MYO3B: variants seen among roughly 807,000 people sequenced by gnomAD.
The protein encoded by MYO3B is myosin IIIB.
A neutral mutation model predicts 174.6 loss-of-function variants in MYO3B; 156 were observed. The ratio of observed to expected loss-of-function variants is 0.89; its 90% CI spans 0.78 to 1.02. MYO3B has a LOEUF of 1.02. MYO3B is among the 50% of genes least tolerant of loss of function. MYO3B has a pLI of 0.00. For missense variants in MYO3B, 1,632 were observed against 1,639.4 expected (o/e 1.00, Z 0.08); for synonymous variants, 563 against 569.1 (o/e 0.99, Z 0.15).
rs772906247 is a variant in MYO3B at position 170,392,513 on chromosome 2, GA to G, written c.1791+19del. ...CGGACAAAGTAAGTGATGATCAAGA[GA>G]GGAACTCAAGTGACAATATTCTTAT... On this transcript the variant is annotated intron_variant, in intron 16 of 34. Transcript: ENST00000408978. 1.2e-5 allele frequency: 18 copies of G among 1,455,570 alleles called. No individual in the cohort carries two copies. Among genetic ancestry groups the G allele is most frequent in the Non-Finnish European group, 1.1e-5 (12 of 1,069,850 alleles). 90.2% of individuals were successfully genotyped at this position (1,455,570 alleles called of 1,614,324 possible). A position where few individuals can be genotyped will look rare whatever the true frequency, so the allele number is the denominator to read the frequency against.
At chr2:170,618,841 A>G (rs958376201) in intron 32 of MYO3B, among the ~76,000 whole-genome samples, 1 of 152,226 alleles carries the variant, frequency 6.6e-6, no homozygotes, top group African/African-American at 2.4e-5. Flanking sequence ...TGTATGTAGA[A>G]GTACAGTACA....
chr2:170,501,844 T>C lies in MYO3B; in HGVS notation c.3349T>C (p.Ser1117Pro). The C allele has an allele frequency of 6.2e-7, 1 of 1,611,430 alleles. No individual in the cohort carries two copies. The highest frequency in any genetic ancestry group is 1.1e-5 in the South Asian group (1 of 90,976). ...FKKISNRRNE[S>P]AAHNQAGDTS... ...GAAAATAAGCAACAGAAGGAATGAG[T>C]CTGCTGCTCATAATCAAGCAGGTAA... Residue 1117 changes from serine to proline, a missense_variant, in exon 28 of 35, where the codon TCT (serine) becomes CCT (proline). Ser to Pro is a moderately conservative substitution (Grantham distance 74, BLOSUM62 -1). Transcript: ENST00000408978.
intron 25 of MYO3B, among the ~76,000 whole-genome samples, chr2:170,482,416 G>C (rs916125399): frequency 2.6e-5 from 4 of 152,142 alleles, no homozygotes; most frequent in Non-Finnish European, 5.9e-5. Flanking sequence ...TGGCCTCCCA[G>C]AGTGCTGGGA....
chr2:170,344,471 G>GT (rs1251560309), intron 8 of MYO3B: 14 of 135,412 alleles, frequency 1.0e-4, no homozygotes, highest in African/African-American at 3.8e-4. Flanking sequence ...GTCTCGGTTG[G>GT]GGGGGTGGGG....
chr2:170,368,397 G>A (rs1016285886), intron 8 of MYO3B, among the ~76,000 whole-genome samples: 135 of 152,316 alleles, frequency 8.9e-4, no homozygotes, highest in African/African-American at 2.9e-3. Context: ...GGCAGTTGGA[G>A]GGATATTCGT....
chr2:170,330,267 T>C (rs2093902518), intron 7 of MYO3B, among the ~76,000 whole-genome samples: 1 of 152,228 alleles, frequency 6.6e-6, no homozygotes, highest in Non-Finnish European at 1.5e-5. Flanking sequence ...ATTTTGCACC[T>C]TCTTGAGGCA....
chr2:170,406,725 C>CT (rs1349100276), intron 21 of MYO3B, among the ~76,000 whole-genome samples: 2 of 152,026 alleles, frequency 1.3e-5, no homozygotes, highest in South Asian at 2.1e-4. Context: ...AGGGGAAAAA[C>CT]TTTTTTTATT....
At chr2:170,365,276 G>A (rs1056927336) in intron 8 of MYO3B, among the ~76,000 whole-genome samples, 2 of 152,168 alleles carry the variant, frequency 1.3e-5, no homozygotes, top group Non-Finnish European at 2.9e-5. Flanking sequence ...GGCTAGAATC[G>A]AAAATCTCAG....
chr2:170,649,356 AAT>A (rs1698805337), intron 32 of MYO3B, among the ~76,000 whole-genome samples: 1 of 40,152 alleles, frequency 2.5e-5, no homozygotes, highest in South Asian at 9.5e-4. Flanking sequence ...AATAATATAT[AAT>A]ATATTATATA....
At chr2:170,616,917 T>C (rs1261166496) in intron 32 of MYO3B, among the ~76,000 whole-genome samples, 2 of 152,242 alleles carry the variant, frequency 1.3e-5, no homozygotes, top group Non-Finnish European at 2.9e-5. Context: ...AACAGACTCA[T>C]TATATTGAAA....
intron 7 of MYO3B, among the ~76,000 whole-genome samples, chr2:170,333,558 C>A (rs539135812): frequency 1.3e-5 from 2 of 152,132 alleles, no homozygotes; most frequent in Non-Finnish European, 2.9e-5. Flanking sequence ...ATCCTTCCCC[C>A]CTGCTCTCTC....
chr2:170,204,078 G>A (rs565157675), intron 3 of MYO3B, among the ~76,000 whole-genome samples: 1 of 152,248 alleles, frequency 6.6e-6, no homozygotes, highest in East Asian at 1.9e-4. Context: ...TCTCCACTCT[G>A]ATAGAAACTC....
At chr2:170,631,635 T>C (rs980423050) in intron 32 of MYO3B, among the ~76,000 whole-genome samples, 2 of 151,200 alleles carry the variant, frequency 1.3e-5, no homozygotes, top group Admixed American at 1.3e-4. Flanking sequence ...AAGGAAAAAA[T>C]GTTAAGGGCA....
chr2:170,610,154 G>A (rs1293343678), intron 32 of MYO3B, among the ~76,000 whole-genome samples: 1 of 152,166 alleles, frequency 6.6e-6, no homozygotes, highest in Non-Finnish European at 1.5e-5. Flanking sequence ...GGCTAACACA[G>A]TGAAACCCCA....
chr2:170,254,650 T>C (rs1223463817), intron 7 of MYO3B, among the ~76,000 whole-genome samples: 1 of 152,016 alleles, frequency 6.6e-6, no homozygotes, highest in Non-Finnish European at 1.5e-5. Flanking sequence ...TGTCCCAACT[T>C]CCCAGGGTGT....
chr2:170,439,766 C>T (rs879658789), intron 22 of MYO3B, among the ~76,000 whole-genome samples: 14 of 152,224 alleles, frequency 9.2e-5, no homozygotes, highest in Non-Finnish European at 1.5e-4. Flanking sequence ...CTGCAAGCTC[C>T]ACCTCCCAGG....
At chr2:170,476,477 A>AG (rs895821897) in intron 25 of MYO3B, among the ~76,000 whole-genome samples, 6 of 152,104 alleles carry the variant, frequency 3.9e-5, no homozygotes, top group African/African-American at 1.4e-4. Context: ...AGTGGCTCTC[A>AG]GTGGGATGGA....
intron 13 of MYO3B, 65 bp from the exon 14 acceptor site, chr2:170,387,041 G>T: frequency 1.3e-6 from 2 of 1,537,656 alleles, no homozygotes; most frequent in South Asian, 2.3e-5. Flanking sequence ...AAGGGATGGT[G>T]CCTGGCAACT....
intron 32 of MYO3B, among the ~76,000 whole-genome samples, chr2:170,556,802 G>A (rs779427284): frequency 5.3e-5 from 8 of 152,172 alleles, no homozygotes; most frequent in Non-Finnish European, 8.8e-5. Context: ...GATTACAGGC[G>A]TGAGCCACTG....
Sources: allele counts gnomAD v4.1 joint callset (sites outside exome capture counted in the v4.1 genomes callset), GRCh38; gene constraint gnomAD v4.1.1; transcripts MANE v1.5; gene names NCBI Gene and HGNC (gene_info 2026-07-23, HGNC 2026-07-21).